Variants in UAP1 observed in about 807,000 individuals in gnomAD.
The protein encoded by UAP1 is UDP-N-acetylglucosamine pyrophosphorylase 1.
In UAP1, 25 loss-of-function variants were observed where a neutral mutation model predicts 58.5. The ratio of observed to expected loss-of-function variants is 0.43; its 90% CI spans 0.31 to 0.60. The LOEUF is 0.60. UAP1 is among the 20% of genes least tolerant of loss of function. The pLI, the probability that UAP1 is intolerant of heterozygous loss-of-function variation, is 0.11. For missense variants in UAP1, 575 were observed against 630.0 expected (o/e 0.91, Z 0.93); for synonymous variants, 208 against 213.0 (o/e 0.98, Z 0.21).
At chr1:162,590,031 G>GT (rs34447708) in intron 7 of UAP1, among the ~76,000 whole-genome samples, 78,260 of 144,742 alleles carry the variant, frequency 0.54, 22,859 homozygotes, top group Non-Finnish European at 0.66. Flanking sequence ...TTTTTTGCCT[G>GT]TTTTTTTTTT....
At chr1:162,592,832 CT>C (rs1478925591) in intron 9 of UAP1, 50 bp downstream of exon 9, 2 of 1,475,796 alleles carry the variant, frequency 1.4e-6, no homozygotes, top group Admixed American at 3.9e-5. Flanking sequence ...CTGTGCTTCC[CT>C]CCATACTAAC....
chr1:162,579,594 A>G (rs759267610), exon 4 of UAP1: 14 of 1,589,230 alleles, frequency 8.8e-6, no homozygotes, highest in African/African-American at 4.0e-5. Flanking sequence ...CAAAGTTTCT[A>G]TGGCTCCAGG....
At chr1:162,582,358 A>G (rs1168862613) in intron 5 of UAP1, among the ~76,000 whole-genome samples, 1 of 152,220 alleles carries the variant, frequency 6.6e-6, no homozygotes, top group Non-Finnish European at 1.5e-5. Flanking sequence ...AAGACCATCT[A>G]TCAAGCATTA....
At chr1:162,571,188 G>A (rs1294330121) in intron 2 of UAP1, among the ~76,000 whole-genome samples, 4 of 151,528 alleles carry the variant, frequency 2.6e-5, no homozygotes, top group African/African-American at 9.7e-5. Context: ...GAGTGCAATG[G>A]CATGATCTCG....
chr1:162,570,224 T>G (rs2101743693), intron 2 of UAP1, among the ~76,000 whole-genome samples: 1 of 152,258 alleles, frequency 6.6e-6, no homozygotes, highest in Middle Eastern at 3.4e-3. Context: ...TACTAATCTC[T>G]CTGATTCCAC....
intron 3 of UAP1, among the ~76,000 whole-genome samples, chr1:162,578,740 G>T (rs565323213): frequency 6.6e-5 from 10 of 152,230 alleles, no homozygotes; most frequent in African/African-American, 2.4e-4. Flanking sequence ...ACCTCCTGTG[G>T]TATGAAATTA....
intron 7 of UAP1, among the ~76,000 whole-genome samples, chr1:162,589,218 ATAT>A (rs1479518815): frequency 3.2e-5 from 3 of 95,178 alleles, no homozygotes; most frequent in East Asian, 2.8e-4. Flanking sequence ...AATATATATA[ATAT>A]TTATATATTA....
chr1:162,578,338 C>G (rs774709511), intron 3 of UAP1, among the ~76,000 whole-genome samples: 1 of 152,170 alleles, frequency 6.6e-6, no homozygotes, highest in East Asian at 1.9e-4. Flanking sequence ...AGCCTCAGTT[C>G]CCTTTTGAAA....
chr1:162,596,622 AGT>A (rs926993353), intron 9 of UAP1, among the ~76,000 whole-genome samples: 6 of 152,226 alleles, frequency 3.9e-5, no homozygotes, highest in Non-Finnish European at 8.8e-5. Flanking sequence ...TAATCCAAAG[AGT>A]GTGACTGATC....
chr1:162,599,894 A>G (rs181339012), downstream of UAP1: 19 of 152,376 alleles, frequency 1.2e-4, no homozygotes, highest in African/African-American at 4.6e-4. Flanking sequence ...CTTGGGAGAA[A>G]CTTTAAGATA....
chr1:162,597,665 C>G, intron 9 of UAP1, 127 bp from the exon 10 acceptor site: 1 of 703,338 alleles, frequency 1.4e-6, no homozygotes, highest in Non-Finnish European at 2.5e-6. Context: ...AGGGTAGCAT[C>G]TATTCCATTT....
At chr1:162,599,241 A>G (rs945710972) in intron 10 of UAP1, 30 bp from the exon 11 acceptor site, 2 of 1,526,836 alleles carry the variant, frequency 1.3e-6, no homozygotes, top group Non-Finnish European at 9.1e-7. Flanking sequence ...CAAATTTTCT[A>G]ATTGTGTTTC....
At chr1:162,582,516 A>G (rs1414804804) in intron 5 of UAP1, among the ~76,000 whole-genome samples, 1 of 152,230 alleles carries the variant, frequency 6.6e-6, no homozygotes, top group African/African-American at 2.4e-5. Flanking sequence ...TCAGTGGAGG[A>G]AATGAATGAA....
intron 1 of UAP1, among the ~76,000 whole-genome samples, chr1:162,565,664 A>T (rs948098547): frequency 2.7e-4 from 41 of 152,174 alleles, no homozygotes; most frequent in Admixed American, 2.7e-3. Context: ...TGTGGTAGAG[A>T]GTGTGAACCA....
intron 2 of UAP1, among the ~76,000 whole-genome samples, chr1:162,576,499 C>A (rs1311371517): frequency 1.3e-5 from 2 of 152,088 alleles, no homozygotes; most frequent in Non-Finnish European, 2.9e-5. Context: ...GGTAGTCATC[C>A]ACGATTCTAT....
At chr1:162,566,464 T>G in intron 2 of UAP1, 116 bp downstream of exon 2, 2 of 1,076,130 alleles carry the variant, frequency 1.9e-6, no homozygotes, top group East Asian at 2.6e-5. Flanking sequence ...CCAGGTGACC[T>G]AGCAGAAAGT....
At chr1:162,587,973 T>C in intron 6 of UAP1, 1 of 227,530 alleles carries the variant, frequency 4.4e-6, no homozygotes, top group African/African-American at 2.2e-5. Context: ...AATGAAACTT[T>C]CTTTACCACA....
chr1:162,571,161 C>T (rs147325950), intron 2 of UAP1, among the ~76,000 whole-genome samples: 1,883 of 150,522 alleles, frequency 0.013, 44 homozygotes, highest in African/African-American at 0.043. Context: ...CGGAGTCTCA[C>T]TCCGTTGCCC....
intron 5 of UAP1, among the ~76,000 whole-genome samples, chr1:162,583,007 T>C (rs1654686221): frequency 6.6e-6 from 1 of 151,450 alleles, no homozygotes; most frequent in Non-Finnish European, 1.5e-5. Context: ...AGCCACAGAC[T>C]CACTATGTCA....
Sources: allele counts gnomAD v4.1 joint callset (sites outside exome capture counted in the v4.1 genomes callset), GRCh38; gene constraint gnomAD v4.1.1; transcripts MANE v1.5; gene names NCBI Gene and HGNC (gene_info 2026-07-23, HGNC 2026-07-21).